ACO1: variants seen among roughly 807,000 people sequenced by gnomAD.
The protein encoded by ACO1 is aconitase 1, also known as cytoplasmic aconitate hydratase.
A neutral mutation model predicts 105.1 loss-of-function variants in ACO1; 78 were observed. The ratio of observed to expected loss-of-function variants is 0.74; its 90% CI spans 0.62 to 0.90. The LOEUF (loss-of-function observed/expected upper bound fraction) is 0.90, where lower values mean the gene tolerates loss of function less well. Ranked by LOEUF, ACO1 falls within the 40% of genes least tolerant of loss-of-function variation. ACO1 has a pLI of 0.00. For synonymous variants in ACO1, 364 were observed against 397.4 expected, an observed-to-expected ratio of 0.92 and a Z score of 1.00; for missense variants, 965 against 1,111.1, an observed-to-expected ratio of 0.87 and a Z score of 1.87.
chr9:32,412,520 CT>C (rs1256872750), intron 4 of ACO1, among the ~76,000 whole-genome samples: 1 of 152,166 alleles, frequency 6.6e-6, no homozygotes, highest in Non-Finnish European at 1.5e-5. Flanking sequence ...AGAAAATGAT[CT>C]TTCTCCAGTT....
At chr9:32,404,963 C>G (rs1364580238) in intron 1 of ACO1, among the ~76,000 whole-genome samples, 1 of 152,216 alleles carries the variant, frequency 6.6e-6, no homozygotes, top group Non-Finnish European at 1.5e-5. Flanking sequence ...TTTATAAACA[C>G]AGTTACGGTG....
chr9:32,451,636 TG>T lies in ACO1; in HGVS notation c.*1527del, dbSNP rs1822768853. 6.6e-6 allele frequency: 1 copy of T among 152,356 alleles called. No individual in the cohort carries two copies. The highest frequency in any genetic ancestry group is 2.4e-5 in the African/African-American group (1 of 41,582). 9.4% of individuals were successfully genotyped at this position (152,356 alleles called of 1,614,324 possible). A position where few individuals can be genotyped will look rare whatever the true frequency, so the allele number is the denominator to read the frequency against. ...TGTCAACCTTAGCACTCAGGGGATA[TG>T]GCCTGGTCATCAGAACATCTGGAAT... On this transcript the variant is annotated 3_prime_UTR_variant, in exon 21 of 21. Transcript: ENST00000309951.
chr9:32,446,980 T>C (rs545992638), intron 19 of ACO1, among the ~76,000 whole-genome samples: 1 of 152,332 alleles, frequency 6.6e-6, no homozygotes, highest in South Asian at 2.1e-4. Context: ...CCTTTGTGGG[T>C]AACCCGACCT....
At chr9:32,422,893 G>A (rs1822005995) in intron 8 of ACO1, among the ~76,000 whole-genome samples, 1 of 152,216 alleles carries the variant, frequency 6.6e-6, no homozygotes, top group Admixed American at 6.5e-5. Context: ...GTAGCCAGTG[G>A]TTTCAGGTGG....
chr9:32,435,885 T>G (rs1373304261), intron 17 of ACO1: 14 of 374,518 alleles, frequency 3.7e-5, no homozygotes, highest in Admixed American at 1.1e-4. Flanking sequence ...TTCTTCCCTT[T>G]GCTTCCATTT....
chr9:32,408,440 G>A, intron 3 of ACO1, 74 bp from the exon 4 acceptor site: 1 of 1,557,706 alleles, frequency 6.4e-7, no homozygotes, highest in Non-Finnish European at 8.8e-7. Context: ...TATTATCAAT[G>A]GAGGCAAAAG....
chr9:32,432,622 C>A (rs1822264383), intron 15 of ACO1, among the ~76,000 whole-genome samples: 1 of 152,194 alleles, frequency 6.6e-6, no homozygotes, highest in South Asian at 2.1e-4. Context: ...TAGCAGCTGT[C>A]ATTTGCTACC....
chr9:32,428,528 A>T (rs576393248), intron 12 of ACO1, among the ~76,000 whole-genome samples: 2 of 151,430 alleles, frequency 1.3e-5, no homozygotes, highest in African/African-American at 4.8e-5. Flanking sequence ...AAAAGAGTAC[A>T]CTCTAAAAGA....
At position 32,451,330 on chromosome 9, in the gene ACO1, T is replaced by C. The variant is rs1822763010; in HGVS notation, c.*1219T>C. ...CAGATGGCCACCTTCTTGCTTGTTC[T>C]CACATGGCATTTCTTTGGTATGTGC... On this transcript the variant is annotated 3_prime_UTR_variant, in exon 21 of 21. Transcript: ENST00000309951. 1 of 152,208 alleles carries C rather than the reference T, an allele frequency of 6.6e-6. No homozygotes were observed. Among genetic ancestry groups the C allele is most frequent in the South Asian group, 2.1e-4 (1 of 4,832 alleles). 9.4% of individuals were successfully genotyped at this position (152,208 alleles called of 1,614,324 possible).
At chr9:32,398,298 G>A (rs1433110414) in intron 1 of ACO1, among the ~76,000 whole-genome samples, 1 of 152,064 alleles carries the variant, frequency 6.6e-6, no homozygotes, top group Non-Finnish European at 1.5e-5. Flanking sequence ...CTGATCCTTG[G>A]CATTTAGCTT....
At chr9:32,397,054 T>C (rs1821387452) in intron 1 of ACO1, among the ~76,000 whole-genome samples, 1 of 151,920 alleles carries the variant, frequency 6.6e-6, no homozygotes, top group African/African-American at 2.4e-5. Context: ...TGAGTGAAAA[T>C]AGACCACTAA....
At chr9:32,442,395 C>T (rs1563947963) in intron 19 of ACO1, among the ~76,000 whole-genome samples, 1 of 152,004 alleles carries the variant, frequency 6.6e-6, no homozygotes, top group Non-Finnish European at 1.5e-5. Context: ...TAAAAGTGTG[C>T]CCTAGATACC....
rs1242275252 is a variant in ACO1 at position 32,408,574 on chromosome 9, A to C, written c.327A>C (p.Gly109=). ...AMRDAVKKLG[G]DPEKINPVCP... is the part of the protein sequence containing the mutation. ...GTGATGCTGTGAAAAAGTTAGGAGG[A>C]GATCCAGAGAAAATAAACCCTGTCT... Residue 109 remains glycine (G), a synonymous_variant, in exon 4 of 21, where the codon GGA becomes GGC. Coordinates refer to ENST00000309951, the MANE Select transcript of ACO1 (RefSeq NM_002197.3). The C allele has an allele frequency of 6.2e-7, 1 of 1,614,166 alleles. No individual in the cohort carries two copies. The highest frequency in any genetic ancestry group is 2.2e-5 in the East Asian group (1 of 44,878).
intron 14 of ACO1, among the ~76,000 whole-genome samples, chr9:32,431,373 A>C (rs567405727): frequency 1.3e-5 from 2 of 152,218 alleles, no homozygotes; most frequent in Admixed American, 1.3e-4. Flanking sequence ...GTCCTTGAGC[A>C]TAGTCCTGAA....
rs1033140653 is a variant in ACO1, at chr9:32,384,673, G to A, written c.-85G>A. The A allele has an allele frequency of 1.5e-5, 6 of 406,330 alleles. No homozygotes were observed. The highest frequency in any genetic ancestry group is 1.2e-4 in the East Asian group (1 of 8,072). The allele number at this position is 406,330 out of a possible 1,614,324, so 25.2% of individuals were successfully genotyped here. A position where few individuals can be genotyped will look rare whatever the true frequency, so the allele number is the denominator to read the frequency against. ...GGCAGCTGGAACCGCGCAGCGCACGGGAACGCGTCCCGCTGCTTGGGTCAG... is the reference window on the plus strand; with the variant it reads ...GGCAGCTGGAACCGCGCAGCGCACGAGAACGCGTCCCGCTGCTTGGGTCAG... On this transcript the variant is annotated 5_prime_UTR_variant, in exon 1 of 21. Transcript: ENST00000309951.
Position 32,449,127 on chromosome 9 carries a change from C to T in ACO1, c.2556+46C>T, listed in dbSNP as rs548806765. The T allele has an allele frequency of 5.2e-6, 8 of 1,529,174 alleles. No individual in the cohort carries two copies. In the African/African-American group the frequency reaches 8.3e-5, roughly 16 times the overall value. 94.7% of individuals were successfully genotyped at this position (1,529,174 alleles called of 1,614,324 possible). A position where few individuals can be genotyped will look rare whatever the true frequency, so the allele number is the denominator to read the frequency against. ...GCCAGGCCCTGTCGAAAGGGGCCCCCTCGTTTGTAACCAGTCTTGTTAGAA... is the reference window on the plus strand; with the variant it reads ...GCCAGGCCCTGTCGAAAGGGGCCCCTTCGTTTGTAACCAGTCTTGTTAGAA... On this transcript the variant is annotated intron_variant, in intron 20 of 20. Transcript: ENST00000309951.
rs1821892005 is a variant in ACO1, at chr9:32,418,189, T to G, written c.466T>G (p.Phe156Val). 3 of 1,614,202 alleles carry G rather than the reference T, an allele frequency of 1.9e-6. No homozygotes were observed. The highest frequency in any genetic ancestry group is 2.5e-6 in the Non-Finnish European group (3 of 1,180,030). ...EFERNRERFE[F>V]LKWGSQAFHN... is the part of the protein sequence containing the mutation. ...TGAAAGAAATAGAGAGCGATTTGAA[T>G]TTTTAAAGGTATGGGCAGGGTCTGG... is the stretch of plus-strand genomic sequence containing the variant. The change falls in exon 5 of 21, where the codon TTT becomes GTT. Residue 156 changes from phenylalanine (F) to valine (V), a missense_variant. Phe to Val is a conservative substitution (Grantham distance 50, BLOSUM62 -1). Transcript: ENST00000309951.
At chr9:32,449,603 G>C (rs1822709864) in intron 20 of ACO1, among the ~76,000 whole-genome samples, 1 of 152,202 alleles carries the variant, frequency 6.6e-6, no homozygotes. Flanking sequence ...AGATGGGCCA[G>C]CTGCCTAAGG....
intron 19 of ACO1, among the ~76,000 whole-genome samples, chr9:32,442,784 T>TATCA: frequency 6.6e-6 from 1 of 152,348 alleles, no homozygotes. Context: ...AAACATGTTA[T>TATCA]ATCATTTGTC....
Sources: allele counts gnomAD v4.1 joint callset (sites outside exome capture counted in the v4.1 genomes callset), GRCh38; gene constraint gnomAD v4.1.1; transcripts MANE v1.5; gene names NCBI Gene and HGNC (gene_info 2026-07-23, HGNC 2026-07-21).